Variants in TUBA1B observed in about 807,000 individuals in gnomAD.
The protein encoded by TUBA1B is tubulin alpha-1B chain.
In TUBA1B, 1 loss-of-function variant was observed where a neutral mutation model predicts 34.4. The observed-to-expected ratio is 0.03, with a 90% CI of 0.01 to 0.14. The LOEUF (loss-of-function observed/expected upper bound fraction) is 0.14, where lower values mean the gene tolerates loss of function less well. Ranked by LOEUF, TUBA1B falls within the 10% of genes least tolerant of loss-of-function variation. TUBA1B has a pLI of 1.00. For synonymous variants in TUBA1B, 197 were observed against 212.5 expected (o/e 0.93, Z 0.64); for missense variants, 54 against 583.6 (o/e 0.09, Z 9.35).
intron 1 of TUBA1B, chr12:49,130,677 A>ATCTCGGTGGTG: frequency 3.7e-6 from 1 of 267,418 alleles, no homozygotes; most frequent in Admixed American, 4.5e-5. Flanking sequence ...ACTGGTGTAG[A>ATCTCGGTGGTG]GCGGTACATT....
intron 1 of TUBA1B, chr12:49,130,318 C>G (rs992736949): frequency 7.8e-7 from 1 of 1,289,228 alleles, no homozygotes; most frequent in Non-Finnish European, 1.0e-6. Context: ...GAAGAAATGT[C>G]TGTCCGCAGG....
rs1406722313 is a variant in TUBA1B, at chr12:49,131,371, TAA to T, written c.-73_-72del. 1 of 1,581,378 alleles carries T rather than the reference TAA, an allele frequency of 6.3e-7. No individual in the cohort carries two copies. The highest frequency in any genetic ancestry group is 8.6e-7 in the Non-Finnish European group (1 of 1,157,966). On this transcript the variant is annotated 5_prime_UTR_variant, in exon 1 of 4. Coordinates refer to ENST00000336023, the MANE Select transcript of TUBA1B (RefSeq NM_006082.3). ...GTCCCGGTTACCGTCCCCGACAAGC[TAA>T]GAGTCGAGGTAAGTAACGCACTAGG... is the stretch of plus-strand genomic sequence containing the variant.
intron 1 of TUBA1B, chr12:49,130,483 A>G (rs1592246611): frequency 1.7e-6 from 1 of 572,014 alleles, no homozygotes; most frequent in Non-Finnish European, 2.8e-6. Context: ...CATCGGGCTC[A>G]GCCTAACACC....
At position 49,128,264 on chromosome 12, in the gene TUBA1B, G is replaced by C. The variant is rs1941767087; in HGVS notation, c.1050C>G (p.Gly350=). 1 of 1,614,206 alleles carries C rather than the reference G, an allele frequency of 6.2e-7. No individual in the cohort carries two copies. Among genetic ancestry groups the C allele is most frequent in the Non-Finnish European group, 8.5e-7 (1 of 1,180,032 alleles). ...SIQFVDWCPT[G]FKVGINYQPP... is the part of the protein sequence containing the mutation. ...GCTGGTAGTTGATGCCAACCTTGAA[G>C]CCAGTGGGGCACCAATCCACAAACT... Residue 350 remains glycine, a synonymous_variant, in exon 4 of 4, where the codon GGC becomes GGG. Transcript: ENST00000336023. The surrounding 1 kb of genome is among the most constrained non-coding windows in gnomAD (Gnocchi z 8.1).
intron 1 of TUBA1B, chr12:49,131,073 G>A: frequency 1.9e-6 from 1 of 523,716 alleles, no homozygotes; most frequent in East Asian, 3.1e-5. Context: ...ATCCCTTCCA[G>A]AGTCCGAGAA....
Position 49,127,893 on chromosome 12 carries a change from G to C in TUBA1B, c.*65C>G. 1 of 1,610,812 alleles carries C rather than the reference G, an allele frequency of 6.2e-7. No homozygotes were observed. Among genetic ancestry groups the C allele is most frequent in the Admixed American group, 1.7e-5 (1 of 59,868 alleles). On this transcript the variant is annotated 3_prime_UTR_variant, in exon 4 of 4. Coordinates refer to ENST00000336023, the MANE Select transcript of TUBA1B (RefSeq NM_006082.3). Reference sequence around the variant, plus strand: ...ATCTAACCAGAAAGCTTTAACGTCTGTCAGTTAAGCTGAAGCTGAAATTCT... The same window carrying C: ...ATCTAACCAGAAAGCTTTAACGTCTCTCAGTTAAGCTGAAGCTGAAATTCT...
intron 1 of TUBA1B, chr12:49,130,522 T>C: frequency 2.6e-6 from 1 of 386,774 alleles, no homozygotes; most frequent in South Asian, 2.0e-5. Flanking sequence ...CAGTAGGAGA[T>C]TATCGGCGGC....
intron 1 of TUBA1B, chr12:49,129,954 ATTT>A (rs113292209): frequency 1.9e-6 from 2 of 1,031,504 alleles, no homozygotes; most frequent in African/African-American, 3.3e-5. Context: ...TAATTTTTTC[ATTT>A]TTTTTGTGGA....
In TUBA1B at chr12:49,131,243, G is replaced by T. The variant is rs1435157766; in HGVS notation, c.3+55C>A. 3.2e-6 allele frequency: 5 copies of T among 1,581,008 alleles called. No homozygotes were observed. In the Admixed American group the frequency reaches 9.1e-5, roughly 29 times the overall value. On this transcript the variant is annotated intron_variant, in intron 1 of 3. Coordinates refer to ENST00000336023, the MANE Select transcript of TUBA1B (RefSeq NM_006082.3). ...GTATACAGGGCCCCAGCGCCCCGCC[G>T]GCTCGCTTTTCCCTGCTTCCCTGAA...
rs1399394198 is a variant in TUBA1B at position 49,128,964 on chromosome 12, A to G, written c.376-26T>C. 6.4e-7 allele frequency: 1 copy of G among 1,570,824 alleles called. No individual in the cohort carries two copies. Among genetic ancestry groups the G allele is most frequent in the African/African-American group, 1.4e-5 (1 of 72,808 alleles). On this transcript the variant is annotated intron_variant, in intron 3 of 3. Coordinates refer to ENST00000336023, the MANE Select transcript of TUBA1B (RefSeq NM_006082.3). The surrounding 1 kb of genome is among the most constrained non-coding windows in gnomAD (Gnocchi z 8.1). ...CTGTAGGGGAATAAAAAAATGTAAT[A>G]TTTTAATGCCAGGACACATTATCTT...
chr12:49,130,515 TAGG>T (rs894133347), intron 1 of TUBA1B: 10 of 400,604 alleles, frequency 2.5e-5, no homozygotes, highest in African/African-American at 1.0e-4. Context: ...CTGAGCGCAG[TAGG>T]AGATTATCGG....
chr12:49,129,019 G>A (rs1255045189), intron 3 of TUBA1B, 81 bp from the exon 4 acceptor site: 70 of 1,527,862 alleles, frequency 4.6e-5, no homozygotes, highest in Non-Finnish European at 5.7e-5. Context: ...TTTAGATTAC[G>A]AACCATATCT....
Position 49,128,999 on chromosome 12 carries a change from ATTTC to A in TUBA1B, c.376-65_376-62del. 6.5e-7 allele frequency: 1 copy of A among 1,543,124 alleles called. No homozygotes were observed. The highest frequency in any genetic ancestry group is 8.7e-7 in the Non-Finnish European group (1 of 1,150,586). The stretch of plus-strand genomic sequence containing the variant: ...CAGGACACATTATCTTAGAATTTCT[ATTTC>A]AACTTTTTAGATTACGAACCATATC... On this transcript the variant is annotated intron_variant, in intron 3 of 3. Transcript: ENST00000336023. This position sits in a 1 kb window ranked among gnomAD's most constrained non-coding sequence, Gnocchi z 8.1.
chr12:49,130,476 C>T (rs1157997452), intron 1 of TUBA1B: 3 of 653,900 alleles, frequency 4.6e-6, no homozygotes, highest in East Asian at 1.3e-4. Context: ...CTGCCGGCAT[C>T]GGGCTCAGCC....
Position 49,131,290 on chromosome 12 carries a change from T to G in TUBA1B, c.3+8A>C. 5.0e-6 allele frequency: 8 copies of G among 1,610,636 alleles called. No homozygotes were observed. Among genetic ancestry groups the G allele is most frequent in the Non-Finnish European group, 6.8e-6 (8 of 1,178,572 alleles). The stretch of plus-strand genomic sequence containing the variant: ...TGAAAGCAGCCGGGAGCCGCACGGC[T>G]TACTCACCATAGTGGCTAGGGATTA... On this transcript the variant is annotated splice_region_variant and intron_variant, in intron 1 of 3. Coordinates refer to ENST00000336023, the MANE Select transcript of TUBA1B (RefSeq NM_006082.3).
rs367936718 is a variant in TUBA1B at position 49,128,111 on chromosome 12, C to T, written c.1203G>A (p.Lys401=). The T allele has an allele frequency of 3.8e-5, 61 of 1,614,236 alleles. No homozygotes were observed. The highest frequency in any genetic ancestry group is 1.6e-4 in the Middle Eastern group (1 of 6,062). Residue 401 remains lysine, a synonymous_variant, in exon 4 of 4, where the codon AAG becomes AAA. Transcript: ENST00000336023. This position sits in a 1 kb window ranked among gnomAD's most constrained non-coding sequence, Gnocchi z 8.1. ...CCACGTACCAGTGAACAAAGGCACG[C>T]TTGGCATACATCAGGTCAAACTTGT... ...LDHKFDLMYA[K]RAFVHWYVGE...
Position 49,128,711 on chromosome 12 carries a change from G to A in TUBA1B, c.603C>T (p.Ala201=), listed in dbSNP as rs1223619539. Residue 201 remains alanine (A), a synonymous_variant, in exon 4 of 4, where the codon GCC becomes GCT. Transcript: ENST00000336023. This position sits in a 1 kb window ranked among gnomAD's most constrained non-coding sequence, Gnocchi z 8.1. The part of the protein sequence containing the change: ...THTTLEHSDC[A]FMVDNEAIYD... The stretch of plus-strand genomic sequence containing the variant: ...AGATGGCCTCATTGTCTACCATGAA[G>A]GCACAATCAGAGTGCTCCAGGGTGG... 6.2e-7 allele frequency: 1 copy of A among 1,608,800 alleles called. No individual in the cohort carries two copies. The highest frequency in any genetic ancestry group is 8.5e-7 in the Non-Finnish European group (1 of 1,177,638).
intron 1 of TUBA1B, 171 bp downstream of exon 1, chr12:49,131,127 C>T (rs1285579566): frequency 2.8e-6 from 2 of 711,846 alleles, no homozygotes; most frequent in East Asian, 3.0e-5. Flanking sequence ...CCGCTATTTA[C>T]ACACACCGAG....
rs747706418 is a variant in TUBA1B, at chr12:49,129,741, A to G, written c.4-19T>C. ...ACTCACGCTGCGGGAAGGAAAAAAG[A>G]TATCACAATTTAAACCAATCTATTG... On this transcript the variant is annotated intron_variant, in intron 1 of 3. Coordinates refer to ENST00000336023, the MANE Select transcript of TUBA1B (RefSeq NM_006082.3). The G allele has an allele frequency of 1.1e-5, 8 of 724,170 alleles. No homozygotes were observed. Among genetic ancestry groups the G allele is most frequent in the South Asian group, 7.7e-5 (2 of 26,076 alleles). 44.9% of individuals were successfully genotyped at this position (724,170 alleles called of 1,614,324 possible). A position where few individuals can be genotyped will look rare whatever the true frequency, so the allele number is the denominator to read the frequency against.
Sources: allele counts gnomAD v4.1 joint callset, GRCh38; gene constraint gnomAD v4.1.1; non-coding constraint Gnocchi (gnomAD v3.1); transcripts MANE v1.5; gene names NCBI Gene and HGNC (gene_info 2026-07-23, HGNC 2026-07-21).